Variants in SLC25A20 observed in about 807,000 individuals in gnomAD.
SLC25A20 encodes mitochondrial carnitine/acylcarnitine carrier protein.
SLC25A20 carries 29 observed loss-of-function variants against 39.7 expected under a neutral mutation model. The ratio of observed to expected loss-of-function variants is 0.73; its 90% CI spans 0.54 to 1.00. The LOEUF (loss-of-function observed/expected upper bound fraction) is 1.00. Ranked by LOEUF, SLC25A20 falls within the 50% of genes least tolerant of loss-of-function variation. The probability of loss-of-function intolerance (pLI) is 0.00; values close to 1 mark genes in which losing one functional copy is unlikely to be tolerated. For missense variants in SLC25A20, 333 were observed against 379.9 expected (o/e 0.88, Z 1.03); for synonymous variants, 103 against 142.2 (o/e 0.72, Z 1.96).
At chr3:48,875,528 G>C (rs1355068056) in intron 4 of SLC25A20, among the ~76,000 whole-genome samples, 1 of 152,212 alleles carries the variant, frequency 6.6e-6, no homozygotes, top group African/African-American at 2.4e-5. Context: ...TCGTGCCTCA[G>C]CCTCCCGAGT....
At chr3:48,866,862 C>T (rs1430214610) in intron 4 of SLC25A20, among the ~76,000 whole-genome samples, 9 of 152,128 alleles carry the variant, frequency 5.9e-5, no homozygotes, top group East Asian at 1.9e-4. Flanking sequence ...GGCGCGATCT[C>T]GACTCACGGC....
intron 6 of SLC25A20, 114 bp from the exon 7 acceptor site, chr3:48,859,315 A>C: frequency 1.1e-6 from 1 of 945,114 alleles, no homozygotes; most frequent in Non-Finnish European, 1.7e-6. Flanking sequence ...GGTTGGAGGG[A>C]GGAGGTATAA....
At chr3:48,884,358 C>CT (rs1415493838) in intron 2 of SLC25A20, among the ~76,000 whole-genome samples, 70 of 150,712 alleles carry the variant, frequency 4.6e-4, no homozygotes, top group African/African-American at 1.7e-3. Context: ...GTTTTGGGGG[C>CT]TTTTTTTTTC....
intron 3 of SLC25A20, among the ~76,000 whole-genome samples, 182 bp from the exon 4 acceptor site, chr3:48,879,630 A>G (rs2083784976): frequency 6.6e-6 from 1 of 152,206 alleles, no homozygotes; most frequent in Non-Finnish European, 1.5e-5. Flanking sequence ...TTTAATGTCA[A>G]ATTTCCCAGA....
chr3:48,877,092 T>C (rs900948309), intron 4 of SLC25A20, among the ~76,000 whole-genome samples: 2 of 149,812 alleles, frequency 1.3e-5, no homozygotes, highest in Non-Finnish European at 3.0e-5. Flanking sequence ...TGAGACCCTG[T>C]CTCAAAAAAA....
intron 7 of SLC25A20, 140 bp from the exon 8 acceptor site, chr3:48,858,771 G>A (rs1480154218): frequency 2.0e-6 from 2 of 1,013,250 alleles, no homozygotes; most frequent in Admixed American, 1.9e-5. Flanking sequence ...GTTCACCTTG[G>A]GACAAATGCA....
intron 2 of SLC25A20, among the ~76,000 whole-genome samples, chr3:48,889,399 A>G (rs2083856949): frequency 6.6e-6 from 1 of 151,580 alleles, no homozygotes; most frequent in Non-Finnish European, 1.5e-5. Flanking sequence ...CAAAATATAT[A>G]TATATAATAA....
intron 4 of SLC25A20, among the ~76,000 whole-genome samples, chr3:48,868,308 G>A (rs2083687803): frequency 6.6e-6 from 1 of 151,984 alleles, no homozygotes; most frequent in Non-Finnish European, 1.5e-5. Context: ...AGTAGAAAAG[G>A]ACTTCAGGCA....
chr3:48,884,158 A>G (rs2083815121), intron 2 of SLC25A20, 34 bp from the exon 3 acceptor site: 3 of 1,611,938 alleles, frequency 1.9e-6, no homozygotes, highest in African/African-American at 1.3e-5. Flanking sequence ...AGCTGTTTAC[A>G]GACACCACCA....
At chr3:48,858,969 G>C (rs1330475152) in intron 7 of SLC25A20, 123 bp downstream of exon 7, 1 of 787,156 alleles carries the variant, frequency 1.3e-6, no homozygotes, top group African/African-American at 1.7e-5. Context: ...ATATTGGTCA[G>C]GCAGATGCTA....
intron 8 of SLC25A20, 121 bp downstream of exon 8, chr3:48,858,386 C>G (rs2083596809): frequency 2.1e-6 from 3 of 1,431,760 alleles, no homozygotes. Flanking sequence ...AATGCTCTGG[C>G]TGAAGATAGG....
intron 2 of SLC25A20, among the ~76,000 whole-genome samples, chr3:48,889,585 C>A (rs746281861): frequency 6.7e-6 from 1 of 148,942 alleles, no homozygotes; most frequent in African/African-American, 2.5e-5. Context: ...TTTCTTTTTT[C>A]TTTTTCTTTT....
chr3:48,860,718 G>A (rs2083619858), intron 5 of SLC25A20, among the ~76,000 whole-genome samples: 1 of 151,796 alleles, frequency 6.6e-6, no homozygotes, highest in Non-Finnish European at 1.5e-5. Flanking sequence ...AACCCAGAAG[G>A]TGGAGGTTGC....
chr3:48,863,323 A>G (rs1377437178), intron 4 of SLC25A20, among the ~76,000 whole-genome samples: 1 of 152,324 alleles, frequency 6.6e-6, no homozygotes, highest in Admixed American at 6.5e-5. Context: ...CTGAAGACCA[A>G]CTGCATTCCA....
Position 48,878,273 on chromosome 3 carries a change from AAT to A in SLC25A20, c.417+1083_417+1084del, listed in dbSNP as rs201286551. On this transcript the variant is annotated intron_variant, in intron 4 of 8. Transcript: ENST00000319017. ...AGACTCCATCTCCACAAAAAAAAAA[AAT>A]ATATATATATATATATATATATATG... is the stretch of plus-strand genomic sequence containing the variant. 7.7e-3 allele frequency among the ~76,000 whole-genome samples: 986 copies of A among 127,562 alleles called. 11 individuals are homozygous for A. The highest frequency in any genetic ancestry group is 0.022 in the African/African-American group (778 of 35,240). The allele number at this position is 127,562 out of a possible 152,430, so 83.7% of individuals were successfully genotyped here. A position where few individuals can be genotyped will look rare whatever the true frequency, so the allele number is the denominator to read the frequency against.
chr3:48,862,124 A>C (rs1452030959), intron 5 of SLC25A20, among the ~76,000 whole-genome samples: 1 of 152,260 alleles, frequency 6.6e-6, no homozygotes, highest in East Asian at 1.9e-4. Flanking sequence ...TTATAAGCAC[A>C]GTTGTTGTAT....
chr3:48,871,409 C>T (rs1045032669), intron 4 of SLC25A20, among the ~76,000 whole-genome samples: 3 of 150,776 alleles, frequency 2.0e-5, no homozygotes, highest in Admixed American at 6.6e-5. Context: ...TTATTATACA[C>T]AGCTATAGTT....
intron 4 of SLC25A20, among the ~76,000 whole-genome samples, chr3:48,868,038 G>A (rs1040740210): frequency 1.3e-5 from 2 of 151,382 alleles, no homozygotes; most frequent in Admixed American, 6.6e-5. Flanking sequence ...TCCAGCCTAG[G>A]CAACAAGAGC....
At chr3:48,858,739 T>A in intron 7 of SLC25A20, 108 bp from the exon 8 acceptor site, 1 of 1,354,074 alleles carries the variant, frequency 7.4e-7, no homozygotes, top group Non-Finnish European at 1.1e-6. Flanking sequence ...GCAGGTCATG[T>A]GGGACCAGTC....
Sources: allele counts gnomAD v4.1 joint callset (sites outside exome capture counted in the v4.1 genomes callset), GRCh38; gene constraint gnomAD v4.1.1; transcripts MANE v1.5; gene names NCBI Gene and HGNC (gene_info 2026-07-23, HGNC 2026-07-21).